The following GLIS3 variants were observed in gnomAD, a reference collection of about 807,000 sequenced individuals.
GLIS3 encodes GLIS family zinc finger 3, also known as zinc finger protein GLIS3.
Under a neutral mutation model 78.6 loss-of-function variants are expected in GLIS3, and 53 were observed. That is an observed-to-expected ratio of 0.67 (90% CI 0.54 to 0.85). The LOEUF (loss-of-function observed/expected upper bound fraction) is 0.85. Ranked by LOEUF, GLIS3 falls within the 40% of genes least tolerant of loss-of-function variation. GLIS3 has a pLI of 0.00. For missense variants in GLIS3, 1,703 were observed against 1,231.1 expected (o/e 1.38, Z -5.74); for synonymous variants, 684 against 509.9 (o/e 1.34, Z -4.60).
chr9:4,047,042 C>T (rs1825309118), intron 4 of GLIS3, among the ~76,000 whole-genome samples: 1 of 152,084 alleles, frequency 6.6e-6, no homozygotes, highest in African/African-American at 2.4e-5. Flanking sequence ...GGCTCTATGT[C>T]CCCACCAAAA....
intron 8 of GLIS3, among the ~76,000 whole-genome samples, chr9:3,858,352 A>G (rs1819924435): frequency 6.6e-6 from 1 of 152,120 alleles, no homozygotes; most frequent in Non-Finnish European, 1.5e-5. Context: ...TTATGTACTC[A>G]TCCATGGAAG....
At chr9:3,858,611 C>T (rs1365729439) in intron 8 of GLIS3, among the ~76,000 whole-genome samples, 3 of 151,932 alleles carry the variant, frequency 2.0e-5, no homozygotes, top group Non-Finnish European at 4.4e-5. Context: ...AATTTCAAAA[C>T]ATAGTATGAC....
At chr9:4,336,157 C>G (rs1350851434) in intron 2 of GLIS3, among the ~76,000 whole-genome samples, 6 of 152,220 alleles carry the variant, frequency 3.9e-5, no homozygotes, top group Non-Finnish European at 5.9e-5. Context: ...TTCTCTGGCT[C>G]TAGCCCACTG....
At chr9:4,145,009 T>G (rs997068059) in intron 2 of GLIS3, 12 of 152,234 alleles carry the variant, frequency 7.9e-5, no homozygotes, top group African/African-American at 2.9e-4. Flanking sequence ...TTTTAACAAC[T>G]GCAGAATTTT....
chr9:3,870,231 A>G (rs1312208856), intron 8 of GLIS3, among the ~76,000 whole-genome samples: 1 of 152,224 alleles, frequency 6.6e-6, no homozygotes, highest in Non-Finnish European at 1.5e-5. Context: ...AAATTTTTCA[A>G]ATTGTAATCA....
At chr9:4,351,232 G>C (rs909423783), upstream of GLIS3, among the ~76,000 whole-genome samples, 5 of 152,004 alleles carry the variant, frequency 3.3e-5, no homozygotes, top group Non-Finnish European at 5.9e-5. Context: ...GACAGAGTGA[G>C]ACTCTGTCTC....
chr9:3,889,546 A>T (rs1470773236), intron 7 of GLIS3, among the ~76,000 whole-genome samples: 1 of 152,208 alleles, frequency 6.6e-6, no homozygotes, highest in East Asian at 1.9e-4. Context: ...GTATTACATG[A>T]TCCTAAACTG....
At chr9:4,414,128 G>C in the GLIS3 span, among the ~76,000 whole-genome samples, 2 of 152,136 alleles carry the variant, frequency 1.3e-5, no homozygotes, top group African/African-American at 4.8e-5. Context: ...CCCAGCCACA[G>C]AGACCATATG....
At chr9:4,010,734 G>C (rs899731445) in intron 4 of GLIS3, among the ~76,000 whole-genome samples, 2 of 152,140 alleles carry the variant, frequency 1.3e-5, no homozygotes, top group Non-Finnish European at 2.9e-5. Flanking sequence ...CCTGTCCCAT[G>C]CTCCACCAGC....
At chr9:4,024,193 C>A (rs1355554826) in intron 4 of GLIS3, among the ~76,000 whole-genome samples, 1 of 152,150 alleles carries the variant, frequency 6.6e-6, no homozygotes, top group Non-Finnish European at 1.5e-5. Flanking sequence ...TGCAACCCCC[C>A]AGTCTGTCTG....
intron 6 of GLIS3, among the ~76,000 whole-genome samples, chr9:3,929,917 C>G (rs1280407916): frequency 6.6e-6 from 1 of 151,820 alleles, no homozygotes; most frequent in African/African-American, 2.4e-5. Context: ...ATTTCAAATA[C>G]CAAGTCCTGA....
chr9:4,446,916 C>T, the GLIS3 span, among the ~76,000 whole-genome samples: 1 of 152,092 alleles, frequency 6.6e-6, no homozygotes, highest in Admixed American at 6.6e-5. Context: ...TCCAGCTGCA[C>T]TGAATGGCTT....
intron 2 of GLIS3, among the ~76,000 whole-genome samples, chr9:4,203,436 T>C (rs1307593417): frequency 6.6e-6 from 1 of 152,222 alleles, no homozygotes; most frequent in African/African-American, 2.4e-5. Flanking sequence ...TCAAGGAACT[T>C]AGAACACACA....
chr9:4,446,251 A>G, the GLIS3 span, among the ~76,000 whole-genome samples: 1 of 152,104 alleles, frequency 6.6e-6, no homozygotes. Flanking sequence ...AATGAATGGG[A>G]TTATTTCCCT....
intron 4 of GLIS3, among the ~76,000 whole-genome samples, chr9:4,020,956 A>G (rs998129633): frequency 6.6e-6 from 1 of 152,200 alleles, no homozygotes; most frequent in Non-Finnish European, 1.5e-5. Flanking sequence ...AGAGACTTCT[A>G]TGCGCTAGAG....
At chr9:4,293,851 C>G (rs1167343423) in intron 1 of GLIS3, among the ~76,000 whole-genome samples, 1 of 152,232 alleles carries the variant, frequency 6.6e-6, no homozygotes, top group Non-Finnish European at 1.5e-5. Flanking sequence ...TGCAGTCATT[C>G]TTGTTCCTGG....
At chr9:4,446,828 A>T in the GLIS3 span, among the ~76,000 whole-genome samples, 2 of 151,770 alleles carry the variant, frequency 1.3e-5, no homozygotes, top group Non-Finnish European at 2.9e-5. Flanking sequence ...CTTTCTCATG[A>T]TGTGAAAGTG....
chr9:4,388,185 G>C, the GLIS3 span, among the ~76,000 whole-genome samples: 2 of 152,166 alleles, frequency 1.3e-5, no homozygotes, highest in Non-Finnish European at 2.9e-5. Context: ...ATACCCATAA[G>C]TGCACATAAC....
At chr9:4,364,194 C>A in the GLIS3 span, among the ~76,000 whole-genome samples, 2 of 152,196 alleles carry the variant, frequency 1.3e-5, no homozygotes, top group South Asian at 2.1e-4. Context: ...TCAGATATAT[C>A]CCTCAGTCTA....
Sources: gnomAD v4.1 joint callset for allele counts (sites outside exome capture counted in the v4.1 genomes callset) on GRCh38, gnomAD v4.1.1 for gene constraint, MANE v1.5 for transcripts, NCBI Gene and HGNC (gene_info 2026-07-23, HGNC 2026-07-21) for gene names.